Variants in SLC4A10 observed in about 807,000 individuals in gnomAD.
SLC4A10 encodes solute carrier family 4 member 10.
A neutral mutation model predicts 137.7 loss-of-function variants in SLC4A10; 42 were observed. The observed-to-expected ratio is 0.30, with a 90% confidence interval of 0.24 to 0.39. The LOEUF (loss-of-function observed/expected upper bound fraction) is 0.39. Ranked by LOEUF, SLC4A10 falls within the 10% of genes least tolerant of loss-of-function variation. SLC4A10 has a pLI of 1.00. For synonymous variants in SLC4A10, 474 were observed against 464.1 expected (o/e 1.02, Z -0.27); for missense variants, 925 against 1,355.0 (o/e 0.68, Z 4.98).
At chr2:161,859,217 T>G (rs1349275102) in intron 5 of SLC4A10, among the ~76,000 whole-genome samples, 1 of 152,138 alleles carries the variant, frequency 6.6e-6, no homozygotes, top group African/African-American at 2.4e-5. Context: ...AATAGTTATC[T>G]GATAGGATGA....
chr2:161,842,016 A>G (rs535599362), intron 4 of SLC4A10, among the ~76,000 whole-genome samples: 2 of 152,328 alleles, frequency 1.3e-5, no homozygotes, highest in African/African-American at 2.4e-5. Flanking sequence ...ATTCAAATTT[A>G]TATCATCTAT....
chr2:161,818,039 G>C (rs1160778448), intron 3 of SLC4A10, among the ~76,000 whole-genome samples: 1 of 146,168 alleles, frequency 6.8e-6, no homozygotes, highest in Non-Finnish European at 1.5e-5. Context: ...AGCTTGATGG[G>C]GATGGTATTG....
intron 4 of SLC4A10, among the ~76,000 whole-genome samples, chr2:161,851,831 G>A (rs187867013): frequency 3.5e-4 from 54 of 152,186 alleles, no homozygotes; most frequent in Non-Finnish European, 6.3e-4. Flanking sequence ...AGTAATGTAC[G>A]AAGACTTTTC....
intron 1 of SLC4A10, among the ~76,000 whole-genome samples, chr2:161,705,804 G>GATAC (rs771859125): frequency 9.2e-5 from 14 of 151,516 alleles, no homozygotes; most frequent in Non-Finnish European, 1.6e-4. Context: ...AATGGACTAA[G>GATAC]ATACACTCTT....
chr2:161,662,147 A>T (rs1360225606), intron 1 of SLC4A10, among the ~76,000 whole-genome samples: 1 of 152,154 alleles, frequency 6.6e-6, no homozygotes, highest in East Asian at 1.9e-4. Context: ...AGACTAAGAG[A>T]TCGTCTAGGC....
intron 1 of SLC4A10, among the ~76,000 whole-genome samples, chr2:161,732,028 T>C (rs2046872137): frequency 6.6e-6 from 1 of 152,170 alleles, no homozygotes; most frequent in Admixed American, 6.5e-5. Flanking sequence ...AAGAGATGCG[T>C]AGGGCAAGGC....
At chr2:161,712,929 A>G (rs567811377) in intron 1 of SLC4A10, among the ~76,000 whole-genome samples, 1 of 152,014 alleles carries the variant, frequency 6.6e-6, no homozygotes, top group African/African-American at 2.4e-5. Flanking sequence ...CTGGGCAAGG[A>G]TATAAAAGTC....
intron 13 of SLC4A10, 63 bp downstream of exon 13, chr2:161,904,241 T>C: frequency 6.8e-7 from 1 of 1,475,566 alleles, no homozygotes; most frequent in Non-Finnish European, 9.1e-7. Flanking sequence ...CATAGTTAGA[T>C]AAGTGAGCAT....
At chr2:161,816,689 C>CTCA (rs1327541488) in intron 3 of SLC4A10, among the ~76,000 whole-genome samples, 2 of 140,972 alleles carry the variant, frequency 1.4e-5, no homozygotes, top group African/African-American at 5.2e-5. Context: ...TCCATGTGTT[C>CTCA]TCATTGTTCA....
At chr2:161,977,247 T>C in intron 25 of SLC4A10, 1 of 342,236 alleles carries the variant, frequency 2.9e-6, no homozygotes, top group Admixed American at 3.1e-5. Context: ...ATGCACTGTG[T>C]GTATTTTATA....
chr2:161,739,565 G>A (rs1180270154), intron 1 of SLC4A10, among the ~76,000 whole-genome samples: 1 of 152,032 alleles, frequency 6.6e-6, no homozygotes, highest in East Asian at 1.9e-4. Context: ...CTTCTACCAG[G>A]TAAGCAAAGC....
intron 1 of SLC4A10, among the ~76,000 whole-genome samples, chr2:161,652,873 T>C (rs2036999215): frequency 1.3e-5 from 2 of 152,046 alleles, no homozygotes; most frequent in African/African-American, 4.8e-5. Flanking sequence ...TAAGTATATT[T>C]TAAGTTCCAG....
At chr2:161,923,072 C>G (rs1297853915) in intron 15 of SLC4A10, among the ~76,000 whole-genome samples, 1 of 152,172 alleles carries the variant, frequency 6.6e-6, no homozygotes, top group African/African-American at 2.4e-5. Context: ...CAGCCGCAGG[C>G]TCTTCTTGTG....
chr2:161,719,215 C>T (rs1430368084), intron 1 of SLC4A10, among the ~76,000 whole-genome samples: 1 of 152,016 alleles, frequency 6.6e-6, no homozygotes, highest in African/African-American at 2.4e-5. Context: ...CATCCATGTC[C>T]CTACAAAGGA....
chr2:161,790,606 G>C (rs2054093682), intron 2 of SLC4A10, among the ~76,000 whole-genome samples: 1 of 152,144 alleles, frequency 6.6e-6, no homozygotes, highest in South Asian at 2.1e-4. Context: ...TGAGAAATGT[G>C]GAGGTGGACT....
intron 8 of SLC4A10, among the ~76,000 whole-genome samples, chr2:161,878,499 A>G (rs976803989): frequency 5.3e-4 from 80 of 152,198 alleles, no homozygotes; most frequent in African/African-American, 1.9e-3. Flanking sequence ...CTCATGTCAG[A>G]AATTCAACTA....
chr2:161,770,682 A>T lies in SLC4A10; in HGVS notation c.49-291A>T, dbSNP rs1409818354. Reference sequence around the variant, plus strand: ...TAAAAATGCATTTTACTAAATTGATAGAATAACTATTTTTTTTTGTTTTTC... The same window carrying T: ...TAAAAATGCATTTTACTAAATTGATTGAATAACTATTTTTTTTTGTTTTTC... On this transcript the variant is annotated intron_variant, in intron 1 of 26. Transcript: ENST00000446997. Among the ~76,000 whole-genome samples, 4 of 152,066 alleles carry T rather than the reference A, an allele frequency of 2.6e-5. No individual in the cohort carries two copies. In the East Asian group the frequency reaches 7.8e-4, roughly 30 times the overall value.
chr2:161,950,929 A>G (rs1694692202), intron 19 of SLC4A10, 81 bp downstream of exon 19: 10 of 1,135,218 alleles, frequency 8.8e-6, no homozygotes, highest in Non-Finnish European at 1.1e-5. Context: ...TATATTCTGT[A>G]TTCATTTGCA....
At chr2:161,804,657 T>A (rs2055730237) in intron 3 of SLC4A10, 62 bp downstream of exon 3, 2 of 1,465,318 alleles carry the variant, frequency 1.4e-6, no homozygotes, top group Admixed American at 2.2e-5. Flanking sequence ...CTTATACAAT[T>A]ATGATTAGGA....
Sources: gnomAD v4.1 joint callset for allele counts (sites outside exome capture counted in the v4.1 genomes callset) on GRCh38, gnomAD v4.1.1 for gene constraint, MANE v1.5 for transcripts, NCBI Gene and HGNC (gene_info 2026-07-23, HGNC 2026-07-21) for gene names.